Variants in PIK3AP1 observed in about 807,000 individuals in gnomAD.
PIK3AP1 encodes the protein phosphoinositide-3-kinase adaptor protein 1.
PIK3AP1 carries 21 observed loss-of-function variants against 88.1 expected under a neutral mutation model. The ratio of observed to expected loss-of-function variants is 0.24; its 90% confidence interval spans 0.17 to 0.34. The LOEUF (loss-of-function observed/expected upper bound fraction) is 0.34, where lower values mean the gene tolerates loss of function less well. PIK3AP1 is among the 10% of genes least tolerant of loss of function. PIK3AP1 has a pLI of 1.00. For synonymous variants in PIK3AP1, 398 were observed against 400.0 expected, an observed-to-expected ratio of 1.00 and a Z score of 0.06; for missense variants, 828 against 1,035.7, an observed-to-expected ratio of 0.80 and a Z score of 2.75.
chr10:96,718,911 AC>A (rs1452736631), intron 1 of PIK3AP1, among the ~76,000 whole-genome samples: 1 of 151,888 alleles, frequency 6.6e-6, no homozygotes, highest in Non-Finnish European at 1.5e-5. Flanking sequence ...CGCACCACAT[AC>A]ACTCATTGCT....
chr10:96,642,008 C>T (rs1449026254), intron 8 of PIK3AP1, among the ~76,000 whole-genome samples: 5 of 152,198 alleles, frequency 3.3e-5, no homozygotes, highest in Admixed American at 2.6e-4. Context: ...GTCCAAGTTG[C>T]TGCTGCTTCT....
At chr10:96,639,257 C>T (rs1040663770) in intron 8 of PIK3AP1, among the ~76,000 whole-genome samples, 7 of 152,128 alleles carry the variant, frequency 4.6e-5, no homozygotes, top group African/African-American at 1.4e-4. Flanking sequence ...CCCACAAAGT[C>T]GAGAATTACA....
chr10:96,709,818 A>C lies in PIK3AP1; in HGVS notation c.179T>G (p.Leu60Arg). The change falls in exon 2 of 17, where the codon CTT becomes CGT. Residue 60 changes from leucine to arginine, a missense_variant. Around this residue, in one of 3 missense-constraint regions of PIK3AP1, gnomAD observed 610 missense variants for 760.1 expected, o/e 0.80. Coordinates refer to ENST00000339364, the MANE Select transcript of PIK3AP1 (RefSeq NM_152309.3). ...EASFSAEDLS[L>R]FLSTRCVVVL... Reference sequence around the variant, plus strand: ...CACGACACAGCGGGTGCTGAGGAAAAGGCTTAGGTCCTCTGCCGAGAAGGA... The same window carrying C: ...CACGACACAGCGGGTGCTGAGGAAACGGCTTAGGTCCTCTGCCGAGAAGGA... The C allele has an allele frequency of 2.5e-6, 4 of 1,613,764 alleles. No individual in the cohort carries two copies. Among genetic ancestry groups the C allele is most frequent in the Non-Finnish European group, 3.4e-6 (4 of 1,179,748 alleles).
chr10:96,670,971 AGT>A (rs1197256349), intron 2 of PIK3AP1, among the ~76,000 whole-genome samples: 1 of 152,250 alleles, frequency 6.6e-6, no homozygotes, highest in Non-Finnish European at 1.5e-5. Context: ...AGAACAAATA[AGT>A]TGCTATAATT....
At position 96,706,442 on chromosome 10, in the gene PIK3AP1, T is replaced by C. The variant is rs538320017; in HGVS notation, c.430+3125A>G. Among the ~76,000 whole-genome samples, 21 of 152,310 alleles carry C rather than the reference T, an allele frequency of 1.4e-4. No individual in the cohort carries two copies. The South Asian group carries it at 4.1e-3, about 30-fold the overall frequency. ...GGACACAATTATCCCAGAAATGTAG[T>C]GTAGGGAGAGTACTGTCTTTAGATA... On this transcript the variant is annotated intron_variant, in intron 2 of 16. Transcript: ENST00000339364.
At chr10:96,686,769 C>T (rs1182397782) in intron 2 of PIK3AP1, among the ~76,000 whole-genome samples, 24 of 152,064 alleles carry the variant, frequency 1.6e-4, no homozygotes, top group Admixed American at 1.6e-3. Flanking sequence ...ATATCTCTTC[C>T]ACTCAACATC....
intron 13 of PIK3AP1, among the ~76,000 whole-genome samples, chr10:96,610,462 A>T (rs1849087435): frequency 6.6e-6 from 1 of 152,170 alleles, no homozygotes; most frequent in Non-Finnish European, 1.5e-5. Context: ...CTGGGATTTG[A>T]ACCCAGGCTC....
chr10:96,657,818 C>T (rs1843635382), intron 2 of PIK3AP1, among the ~76,000 whole-genome samples: 3 of 152,120 alleles, frequency 2.0e-5, no homozygotes, highest in African/African-American at 7.2e-5. Flanking sequence ...AATCCCAGCA[C>T]TTTGGGAGGC....
intron 2 of PIK3AP1, among the ~76,000 whole-genome samples, chr10:96,702,178 G>A (rs1844305826): frequency 6.6e-6 from 1 of 152,120 alleles, no homozygotes; most frequent in African/African-American, 2.4e-5. Flanking sequence ...GAAGATGCTG[G>A]TCAAAGAGTT....
chr10:96,654,770 C>T (rs973451667), intron 3 of PIK3AP1, among the ~76,000 whole-genome samples: 1 of 152,150 alleles, frequency 6.6e-6, no homozygotes, highest in African/African-American at 2.4e-5. Context: ...TGGTGGCAAC[C>T]CCCTTTACCC....
At chr10:96,595,986 T>A (rs559489980) in intron 16 of PIK3AP1, among the ~76,000 whole-genome samples, 1 of 152,310 alleles carries the variant, frequency 6.6e-6, no homozygotes, top group East Asian at 1.9e-4. Flanking sequence ...TTTTGCCATC[T>A]TGGGGCCTTG....
Position 96,651,597 on chromosome 10 carries a change from C to A in PIK3AP1, c.767G>T (p.Cys256Phe). ...LKIYSGDLVVCETVISYYTDM... is the reference protein window; with the variant it reads ...LKIYSGDLVVFETVISYYTDM... ...AGTATAATAGCTGATAACGGTTTCA[C>A]ACACCACTAAGTCTCCAGAATATAT... is the stretch of plus-strand genomic sequence containing the variant. Residue 256 changes from cysteine to phenylalanine, a missense_variant, in exon 5 of 17, where the codon TGT becomes TTT. Transcript: ENST00000339364. 6.2e-7 allele frequency: 1 copy of A among 1,614,168 alleles called. No homozygotes were observed. Among genetic ancestry groups the A allele is most frequent in the Non-Finnish European group, 8.5e-7 (1 of 1,180,010 alleles).
intron 16 of PIK3AP1, among the ~76,000 whole-genome samples, chr10:96,597,877 C>G (rs1303283293): frequency 6.6e-6 from 1 of 152,186 alleles, no homozygotes; most frequent in Non-Finnish European, 1.5e-5. Context: ...AGCCCCTCTT[C>G]CGCTTTCTGC....
intron 2 of PIK3AP1, among the ~76,000 whole-genome samples, chr10:96,698,370 G>A (rs1844249071): frequency 6.6e-6 from 1 of 152,076 alleles, no homozygotes. Context: ...AAAAAAATAG[G>A]CCGGACGCTG....
At chr10:96,616,330 G>A (rs1849214722) in intron 13 of PIK3AP1, among the ~76,000 whole-genome samples, 1 of 152,226 alleles carries the variant, frequency 6.6e-6, no homozygotes, top group East Asian at 1.9e-4. Context: ...GCCAAGGGGA[G>A]AGTCAGATGT....
At chr10:96,675,376 T>C (rs1161331753) in intron 2 of PIK3AP1, among the ~76,000 whole-genome samples, 1 of 152,142 alleles carries the variant, frequency 6.6e-6, no homozygotes, top group Non-Finnish European at 1.5e-5. Flanking sequence ...CAAACAGAAG[T>C]TGGCCACTGG....
intron 12 of PIK3AP1, among the ~76,000 whole-genome samples, chr10:96,617,963 A>C (rs1843018554): frequency 6.6e-6 from 1 of 152,208 alleles, no homozygotes; most frequent in Admixed American, 6.5e-5. Context: ...GTCCATTGTG[A>C]GAGGGTGACG....
chr10:96,649,931 G>C (rs1364825499), intron 6 of PIK3AP1, among the ~76,000 whole-genome samples: 1 of 152,086 alleles, frequency 6.6e-6, no homozygotes, highest in Non-Finnish European at 1.5e-5. Flanking sequence ...GCGGAGCTGG[G>C]GACAAATCTC....
Position 96,635,632 on chromosome 10 carries a change from C to T in PIK3AP1, c.1376-7139G>A, listed in dbSNP as rs750587705. Among the ~76,000 whole-genome samples, 18 of 152,300 alleles carry T rather than the reference C, an allele frequency of 1.2e-4. 1 individual carries two copies. Among genetic ancestry groups the T allele is most frequent in the South Asian group, 2.1e-4 (1 of 4,818 alleles). On this transcript the variant is annotated intron_variant, in intron 8 of 16. Coordinates refer to ENST00000339364, the MANE Select transcript of PIK3AP1 (RefSeq NM_152309.3). ...CTGGGGCCAGTATTTATTACAGGTG[C>T]GCTGACTCATGTCTGTAATCCCAGC...
Sources: gnomAD v4.1 joint callset for allele counts (sites outside exome capture counted in the v4.1 genomes callset) on GRCh38, gnomAD v4.1.1 for gene constraint, gnomAD v4.1.1 regional missense constraint, MANE v1.5 for transcripts, NCBI Gene and HGNC (gene_info 2026-07-23, HGNC 2026-07-21) for gene names.